RORA: variants seen among roughly 807,000 people sequenced by gnomAD.
RORA encodes the protein RAR related orphan receptor A, also known as nuclear receptor ROR-alpha.
In RORA, 7 loss-of-function variants were observed where a neutral mutation model predicts 69.5. The ratio of observed to expected loss-of-function variants is 0.10; its 90% CI spans 0.06 to 0.19. RORA has a LOEUF of 0.19. Among genes scored for constraint, RORA ranks in the 10% least tolerant of loss-of-function variants. RORA has a pLI of 1.00. For synonymous variants in RORA, 261 were observed against 240.8 expected (o/e 1.08, Z -0.78); for missense variants, 457 against 663.0 (o/e 0.69, Z 3.41).
At chr15:60,795,241 C>T (rs968624188) in intron 1 of RORA, among the ~76,000 whole-genome samples, 4 of 152,102 alleles carry the variant, frequency 2.6e-5, no homozygotes, top group African/African-American at 9.7e-5. Context: ...AATGGCAACC[C>T]GAAGTCAATG....
chr15:61,050,984 T>C (rs1897265935), intron 1 of RORA, among the ~76,000 whole-genome samples: 1 of 152,214 alleles, frequency 6.6e-6, no homozygotes. Context: ...ATATATCCTC[T>C]GCATTTCCCC....
At chr15:61,027,190 T>C (rs879914129) in intron 1 of RORA, among the ~76,000 whole-genome samples, 18 of 152,230 alleles carry the variant, frequency 1.2e-4, no homozygotes, top group Non-Finnish European at 2.4e-4. Context: ...TAGTATTAGT[T>C]GAATTGATAT....
intron 1 of RORA, among the ~76,000 whole-genome samples, chr15:60,854,116 G>T (rs1392128460): frequency 2.0e-5 from 3 of 152,054 alleles, no homozygotes; most frequent in African/African-American, 7.2e-5. Context: ...ACAAAAATTA[G>T]CTGGGCATGG....
At chr15:61,120,076 G>A (rs1354920202) in intron 1 of RORA, among the ~76,000 whole-genome samples, 3 of 152,202 alleles carry the variant, frequency 2.0e-5, no homozygotes, top group African/African-American at 7.2e-5. Flanking sequence ...TAATGTGGAT[G>A]ACCGTCTGCT....
At chr15:60,869,297 C>T (rs527288671) in intron 1 of RORA, among the ~76,000 whole-genome samples, 45 of 152,202 alleles carry the variant, frequency 3.0e-4, no homozygotes, top group Non-Finnish European at 3.8e-4. Context: ...AGGCTGATTT[C>T]GCGATTTTAT....
At chr15:60,947,078 C>T (rs1283017955) in intron 1 of RORA, among the ~76,000 whole-genome samples, 3 of 87,166 alleles carry the variant, frequency 3.4e-5, no homozygotes, top group East Asian at 3.4e-4. Context: ...GGCCAGCCCC[C>T]GACCGGCCAG....
chr15:61,221,950 T>C (rs2080100859), intron 1 of RORA, among the ~76,000 whole-genome samples: 1 of 148,438 alleles, frequency 6.7e-6, no homozygotes, highest in Non-Finnish European at 1.5e-5. Context: ...TGAGCCCATC[T>C]CTTTAAGAAA....
At chr15:61,097,138 G>C (rs1190294417) in intron 1 of RORA, among the ~76,000 whole-genome samples, 1 of 152,158 alleles carries the variant, frequency 6.6e-6, no homozygotes, top group African/African-American at 2.4e-5. Flanking sequence ...TTCCGATGGG[G>C]CAGACTGTGG....
At chr15:61,129,167 T>G (rs993171320) in intron 1 of RORA, among the ~76,000 whole-genome samples, 3 of 152,216 alleles carry the variant, frequency 2.0e-5, no homozygotes, top group Non-Finnish European at 2.9e-5. Context: ...TCTAGATATC[T>G]TCCCCAATTC....
At chr15:61,139,552 C>T (rs2079278242) in intron 1 of RORA, among the ~76,000 whole-genome samples, 1 of 152,200 alleles carries the variant, frequency 6.6e-6, no homozygotes, top group African/African-American at 2.4e-5. Context: ...CCAAGTTAAA[C>T]CAGAGGCCAC....
At chr15:61,033,413 A>AAAACAAAAACAAAC (rs1555403797) in intron 1 of RORA, among the ~76,000 whole-genome samples, 2 of 150,912 alleles carry the variant, frequency 1.3e-5, no homozygotes, top group African/African-American at 4.9e-5. Flanking sequence ...ATTCTGAAAA[A>AAAACAAAAACAAAC]AAAAACAAAA....
chr15:61,218,356 C>T (rs943702509), intron 1 of RORA, among the ~76,000 whole-genome samples: 1 of 152,052 alleles, frequency 6.6e-6, no homozygotes, highest in Non-Finnish European at 1.5e-5. Flanking sequence ...GCTAAATGTG[C>T]CTGTCAAGTG....
At chr15:60,558,404 C>CT in intron 2 of RORA, 2 of 695,868 alleles carry the variant, frequency 2.9e-6, no homozygotes, top group South Asian at 3.8e-5. Flanking sequence ...CATCTCATGA[C>CT]TTTTTTGTGT....
chr15:61,060,936 A>C (rs1037887969), intron 1 of RORA, among the ~76,000 whole-genome samples: 1 of 152,202 alleles, frequency 6.6e-6, no homozygotes, highest in Non-Finnish European at 1.5e-5. Flanking sequence ...CGTGCGGCCG[A>C]TGGGCCATGG....
chr15:61,112,251 T>C (rs535685580), intron 1 of RORA, among the ~76,000 whole-genome samples: 2 of 152,344 alleles, frequency 1.3e-5, no homozygotes, highest in African/African-American at 4.8e-5. Flanking sequence ...CCTTTTTCTT[T>C]TACATTGTAC....
intron 1 of RORA, among the ~76,000 whole-genome samples, chr15:60,792,195 G>A (rs1245022236): frequency 6.6e-6 from 1 of 152,122 alleles, no homozygotes; most frequent in Non-Finnish European, 1.5e-5. Context: ...CAGCAGACTG[G>A]AGATGGCAGG....
Position 60,531,525 on chromosome 15 carries a change from G to GTGAT in RORA, c.282+237_282+240dup. 1 of 421,070 alleles carries GTGAT rather than the reference G, an allele frequency of 2.4e-6. No individual in the cohort carries two copies. The highest frequency in any genetic ancestry group is 2.1e-5 in the African/African-American group (1 of 47,558). 26.1% of individuals were successfully genotyped at this position (421,070 alleles called of 1,614,324 possible). A position where few individuals can be genotyped will look rare whatever the true frequency, so the allele number is the denominator to read the frequency against. On this transcript the variant is annotated intron_variant, in intron 3 of 10. Coordinates refer to ENST00000335670, the MANE Select transcript of RORA (RefSeq NM_134261.3). The surrounding 1 kb of genome is among the most constrained non-coding windows in gnomAD (Gnocchi z 4.8). Reference sequence around the variant, plus strand: ...CATGAGTTCAACTCTGGGGTTGAAAGTGATAAACAAGCAATGCTCAAATAC... The same window carrying GTGAT: ...CATGAGTTCAACTCTGGGGTTGAAAGTGATTGATAAACAAGCAATGCTCAAATAC...
chr15:61,152,273 C>T (rs1231283117), intron 1 of RORA, among the ~76,000 whole-genome samples: 2 of 152,008 alleles, frequency 1.3e-5, no homozygotes, highest in Non-Finnish European at 2.9e-5. Context: ...AGTTGAGTTC[C>T]TGCCCAGCTA....
chr15:60,670,201 C>CTTTTTTTTTTT (rs60799050), intron 2 of RORA, among the ~76,000 whole-genome samples: 2 of 126,108 alleles, frequency 1.6e-5, no homozygotes, highest in Non-Finnish European at 1.6e-5. Context: ...TATCCTACCT[C>CTTTTTTTTTTT]TTTTTTTTTT....
Sources: allele counts gnomAD v4.1 joint callset (sites outside exome capture counted in the v4.1 genomes callset), GRCh38; gene constraint gnomAD v4.1.1; non-coding constraint Gnocchi (gnomAD v3.1); transcripts MANE v1.5; gene names NCBI Gene and HGNC (gene_info 2026-07-23, HGNC 2026-07-21).